FAM13A: variants seen among roughly 807,000 people sequenced by gnomAD.
The protein encoded by FAM13A is family with sequence similarity 13 member A, also known as protein FAM13A.
In FAM13A, 76 loss-of-function variants were observed where a neutral mutation model predicts 129.6. The observed-to-expected ratio is 0.59, with a 90% CI of 0.49 to 0.71. The LOEUF (loss-of-function observed/expected upper bound fraction) is 0.71. Ranked by LOEUF, FAM13A falls within the 30% of genes least tolerant of loss-of-function variation. FAM13A has a pLI of 0.00. For missense variants in FAM13A, 1,108 were observed against 1,249.3 expected, an observed-to-expected ratio of 0.89 and a Z score of 1.70; for synonymous variants, 443 against 449.9, an observed-to-expected ratio of 0.98 and a Z score of 0.20.
chr4:88,754,362 T>C (rs1476969565), intron 14 of FAM13A, among the ~76,000 whole-genome samples: 1 of 152,190 alleles, frequency 6.6e-6, no homozygotes, highest in Non-Finnish European at 1.5e-5. Context: ...AGAGGGAACA[T>C]ATCTCTGAGT....
chr4:88,986,765 CTG>C (rs1359957191), intron 4 of FAM13A, among the ~76,000 whole-genome samples: 2 of 152,170 alleles, frequency 1.3e-5, no homozygotes, highest in Non-Finnish European at 2.9e-5. Flanking sequence ...AAGATTTTCA[CTG>C]TCAGAGTATA....
chr4:89,044,411 T>C (rs1005959165), intron 1 of FAM13A, among the ~76,000 whole-genome samples: 1 of 151,784 alleles, frequency 6.6e-6, no homozygotes, highest in Non-Finnish European at 1.5e-5. Flanking sequence ...ATTATAAAAA[T>C]GAAAGAAAGA....
intron 12 of FAM13A, 26 bp downstream of exon 12, chr4:88,767,957 A>C (rs1242956655): frequency 6.4e-6 from 9 of 1,399,502 alleles, no homozygotes; most frequent in Non-Finnish European, 9.1e-6. Context: ...CTTGGAAAGA[A>C]TATTAGGAGA....
intron 10 of FAM13A, 114 bp from the exon 11 acceptor site, chr4:88,781,465 G>T: frequency 1.4e-6 from 1 of 707,272 alleles, no homozygotes; most frequent in African/African-American, 1.8e-5. Flanking sequence ...AGAAATTCCA[G>T]TATGCATCTC....
intron 6 of FAM13A, among the ~76,000 whole-genome samples, chr4:88,877,195 G>GT (rs992924351): frequency 2.6e-5 from 4 of 152,132 alleles, no homozygotes; most frequent in African/African-American, 9.7e-5. Context: ...ATACCGTTAT[G>GT]TTTTTTAGTG....
chr4:88,745,930 T>C (rs1367040280), intron 19 of FAM13A, among the ~76,000 whole-genome samples: 3 of 152,102 alleles, frequency 2.0e-5, no homozygotes, highest in South Asian at 4.2e-4. Flanking sequence ...CAGATAGTTA[T>C]TGGGCCTGTG....
intron 6 of FAM13A, among the ~76,000 whole-genome samples, chr4:88,884,798 G>C (rs972695345): frequency 6.6e-6 from 1 of 152,128 alleles, no homozygotes; most frequent in African/African-American, 2.4e-5. Context: ...ATTCAGCAAA[G>C]TTTCAGGAAA....
chr4:88,909,347 A>G (rs1748664938), intron 5 of FAM13A, among the ~76,000 whole-genome samples: 1 of 152,196 alleles, frequency 6.6e-6, no homozygotes, highest in Non-Finnish European at 1.5e-5. Flanking sequence ...ACACAAAAGG[A>G]TATATATTGT....
chr4:88,898,753 AT>A (rs1746764597), intron 6 of FAM13A, among the ~76,000 whole-genome samples: 1 of 152,022 alleles, frequency 6.6e-6, no homozygotes, highest in African/African-American at 2.4e-5. Flanking sequence ...GTGGCTAATA[AT>A]AAAAAAAATA....
At chr4:88,980,928 C>A (rs1410148887) in intron 4 of FAM13A, among the ~76,000 whole-genome samples, 1 of 152,066 alleles carries the variant, frequency 6.6e-6, no homozygotes, top group Non-Finnish European at 1.5e-5. Context: ...TGTTTTTCTG[C>A]AAGATTTGAA....
intron 4 of FAM13A, among the ~76,000 whole-genome samples, chr4:88,977,348 T>C (rs1420261138): frequency 1.3e-5 from 2 of 152,124 alleles, no homozygotes; most frequent in African/African-American, 2.4e-5. Flanking sequence ...GATGAAGCCA[T>C]AGAAAGTGAA....
At position 88,957,313 on chromosome 4, in the gene FAM13A, A is replaced by C. The variant is rs148224384; in HGVS notation, c.606-19072T>G. Among the ~76,000 whole-genome samples, 454 of 151,786 alleles carry C rather than the reference A, an allele frequency of 3.0e-3. 2 individuals are homozygous for C. The highest frequency in any genetic ancestry group is 0.011 in the African/African-American group (438 of 41,350). ...CACTGCACTCCAGCCTGCATGACAG[A>C]GCGAGACTCTGTCTCAAAAAAAAAA... On this transcript the variant is annotated intron_variant, in intron 4 of 23. Transcript: ENST00000264344.
chr4:88,888,860 C>T (rs1410815655), intron 6 of FAM13A, among the ~76,000 whole-genome samples: 2 of 148,420 alleles, frequency 1.3e-5, no homozygotes, highest in Non-Finnish European at 3.0e-5. Context: ...GCTGTGAACC[C>T]GGGAGGCGGA....
intron 6 of FAM13A, among the ~76,000 whole-genome samples, 167 bp downstream of exon 6, chr4:88,906,212 C>T (rs1353861707): frequency 6.6e-6 from 1 of 152,182 alleles, no homozygotes; most frequent in African/African-American, 2.4e-5. Context: ...TGCCTGAACC[C>T]AGGAGGCAGA....
At chr4:88,831,390 C>T (rs1484767451) in intron 7 of FAM13A, among the ~76,000 whole-genome samples, 1 of 152,164 alleles carries the variant, frequency 6.6e-6, no homozygotes, top group Non-Finnish European at 1.5e-5. Flanking sequence ...AGCAGGGCTT[C>T]CTTAGAGACA....
intron 2 of FAM13A, among the ~76,000 whole-genome samples, chr4:89,021,351 T>C (rs1006825007): frequency 3.9e-5 from 6 of 152,236 alleles, no homozygotes; most frequent in African/African-American, 1.4e-4. Context: ...CTCATTTTCT[T>C]GGGCCCTTTA....
At position 88,991,119 on chromosome 4, in the gene FAM13A, T is replaced by C. The variant is rs1762875109; in HGVS notation, c.459A>G (p.Leu153=). ...DGRNDVQESS[L]RDLIKELPDT... The stretch of plus-strand genomic sequence containing the variant: ...CTGGCAGCTCTTTTATTAAGTCTCT[T>C]AAGCTACTCTCCTGAACATCATTTC... Residue 153 remains leucine (L), a synonymous_variant, in exon 4 of 24, where the codon TTA becomes TTG. Coordinates refer to ENST00000264344, the MANE Select transcript of FAM13A (RefSeq NM_014883.4). The C allele has an allele frequency of 6.2e-7, 1 of 1,613,608 alleles. No homozygotes were observed. Among genetic ancestry groups the C allele is most frequent in the Non-Finnish European group, 8.5e-7 (1 of 1,179,782 alleles).
intron 4 of FAM13A, among the ~76,000 whole-genome samples, chr4:88,949,692 A>T (rs960852096): frequency 6.6e-6 from 1 of 152,218 alleles, no homozygotes; most frequent in Non-Finnish European, 1.5e-5. Context: ...AGGCAATGGA[A>T]ACTAAAATTT....
chr4:88,870,568 A>G (rs1161809766), intron 6 of FAM13A, among the ~76,000 whole-genome samples: 5 of 152,220 alleles, frequency 3.3e-5, no homozygotes, highest in African/African-American at 1.2e-4. Flanking sequence ...GCAAGGTGAA[A>G]GCCTGGCTGG....
Sources: gnomAD v4.1 joint callset for allele counts (sites outside exome capture counted in the v4.1 genomes callset) on GRCh38, gnomAD v4.1.1 for gene constraint, MANE v1.5 for transcripts, NCBI Gene and HGNC (gene_info 2026-07-23, HGNC 2026-07-21) for gene names.